ENAH: variants seen among roughly 807,000 people sequenced by gnomAD.
The protein encoded by ENAH is ENAH actin regulator.
In ENAH, 23 loss-of-function variants were observed where a neutral mutation model predicts 78.7. The observed-to-expected ratio is 0.29, with a 90% CI of 0.21 to 0.41. The LOEUF (loss-of-function observed/expected upper bound fraction) is 0.41, where lower values mean the gene tolerates loss of function less well. Ranked by LOEUF, ENAH falls within the 10% of genes least tolerant of loss-of-function variation. ENAH has a pLI of 1.00. For missense variants in ENAH, 544 were observed against 691.0 expected (o/e 0.79, Z 2.39); for synonymous variants, 226 against 241.0 (o/e 0.94, Z 0.58).
In ENAH at chr1:225,650,456, A is replaced by C. The variant is rs1662754754; in HGVS notation, c.5+2230T>G. ...ATTTACCTGTGACAGACTGACATCT[A>C]TACATGACAGTGATTAAACTTCACT... On this transcript the variant is annotated intron_variant, in intron 1 of 13. Coordinates refer to ENST00000366843, the MANE Select transcript of ENAH (RefSeq NM_018212.6). 3.9e-5 allele frequency among the ~76,000 whole-genome samples: 6 copies of C among 152,364 alleles called. No homozygotes were observed. The South Asian group carries it at 1.2e-3, about 32-fold the overall frequency.
chr1:225,557,930 A>G (rs1364436523), intron 2 of ENAH, among the ~76,000 whole-genome samples: 1 of 152,220 alleles, frequency 6.6e-6, no homozygotes, highest in Non-Finnish European at 1.5e-5. Context: ...GGTTTCCATC[A>G]TGATTGAATA....
intron 3 of ENAH, among the ~76,000 whole-genome samples, chr1:225,538,511 C>G (rs767784672): frequency 6.6e-6 from 1 of 151,502 alleles, no homozygotes; most frequent in Non-Finnish European, 1.5e-5. Context: ...GAGCATCGTG[C>G]ATATATAGCT....
Position 225,544,890 on chromosome 1 carries a change from A to C in ENAH, c.349+10016T>G, listed in dbSNP as rs573852872. On this transcript the variant is annotated intron_variant, in intron 3 of 13. Coordinates refer to ENST00000366843, the MANE Select transcript of ENAH (RefSeq NM_018212.6). ...ATCACAAATGTACTGACTGAGACAGAGCTAGAAACAGCTAGTAACAACAGT... is the reference window on the plus strand; with the variant it reads ...ATCACAAATGTACTGACTGAGACAGCGCTAGAAACAGCTAGTAACAACAGT... Among the ~76,000 whole-genome samples the C allele has an allele frequency of 2.6e-5, 4 of 152,358 alleles. No individual in the cohort carries two copies. The East Asian group carries it at 7.7e-4, about 29-fold the overall frequency.
At chr1:225,569,314 T>C (rs905384281) in intron 1 of ENAH, among the ~76,000 whole-genome samples, 2 of 152,266 alleles carry the variant, frequency 1.3e-5, no homozygotes, top group African/African-American at 4.8e-5. Flanking sequence ...ATTCAAGAGA[T>C]AATGTCTTGG....
intron 1 of ENAH, among the ~76,000 whole-genome samples, chr1:225,574,105 G>C (rs576465676): frequency 3.3e-5 from 5 of 152,032 alleles, no homozygotes; most frequent in Admixed American, 6.6e-5. Flanking sequence ...TAAAAACTTT[G>C]GAATTTTAAA....
intron 4 of ENAH, among the ~76,000 whole-genome samples, chr1:225,528,276 C>T (rs2096520271): frequency 6.6e-6 from 1 of 152,116 alleles, no homozygotes; most frequent in Admixed American, 6.5e-5. Flanking sequence ...ACAAGAACAT[C>T]AGTGTGCCTG....
chr1:225,637,801 T>G (rs1204444731), intron 1 of ENAH, among the ~76,000 whole-genome samples: 1 of 152,170 alleles, frequency 6.6e-6, no homozygotes, highest in African/African-American at 2.4e-5. Context: ...CAGGTGCCTA[T>G]AGTCCCAGCT....
chr1:225,639,743 C>CACA (rs990088651), intron 1 of ENAH, among the ~76,000 whole-genome samples: 3 of 132,192 alleles, frequency 2.3e-5, no homozygotes, highest in African/African-American at 8.4e-5. Flanking sequence ...CACACACACA[C>CACA]AAGAAGGATG....
intron 1 of ENAH, among the ~76,000 whole-genome samples, chr1:225,599,914 G>C (rs2096922370): frequency 6.6e-6 from 1 of 151,736 alleles, no homozygotes; most frequent in South Asian, 2.1e-4. Context: ...CCTCCCTGTA[G>C]TAATAAAGTA....
At chr1:225,603,673 G>A (rs1383505478) in intron 1 of ENAH, among the ~76,000 whole-genome samples, 2 of 152,136 alleles carry the variant, frequency 1.3e-5, no homozygotes, top group Non-Finnish European at 2.9e-5. Flanking sequence ...TATGAGTCAT[G>A]TTTATTTTCA....
At chr1:225,567,209 T>C (rs1421711104) in intron 2 of ENAH, 40 bp downstream of exon 2, 1 of 1,596,616 alleles carries the variant, frequency 6.3e-7, no homozygotes, top group Non-Finnish European at 8.5e-7. Context: ...CCTTTTGTAA[T>C]ACTAAATCAT....
chr1:225,633,625 T>C (rs1334894532), intron 1 of ENAH, among the ~76,000 whole-genome samples: 2 of 152,190 alleles, frequency 1.3e-5, no homozygotes, highest in African/African-American at 2.4e-5. Context: ...TAAGCCTTGG[T>C]TTCCTACACT....
intron 1 of ENAH, among the ~76,000 whole-genome samples, chr1:225,650,873 A>C (rs889162306): frequency 6.7e-6 from 1 of 149,856 alleles, no homozygotes; most frequent in Non-Finnish European, 1.5e-5. Flanking sequence ...AAAAAAAAAA[A>C]AAAAACTTTC....
chr1:225,614,525 ACT>A (rs935684897), intron 1 of ENAH, among the ~76,000 whole-genome samples: 1 of 151,894 alleles, frequency 6.6e-6, no homozygotes, highest in Non-Finnish European at 1.5e-5. Flanking sequence ...AGCTCTCCAG[ACT>A]CTATCCTTTG....
chr1:225,507,491 A>G (rs2096341985), intron 11 of ENAH, among the ~76,000 whole-genome samples: 1 of 152,132 alleles, frequency 6.6e-6, no homozygotes, highest in South Asian at 2.1e-4. Context: ...GGTTCTTCCA[A>G]AAAACACTGA....
intron 1 of ENAH, among the ~76,000 whole-genome samples, chr1:225,651,231 C>T (rs1249700618): frequency 1.3e-5 from 2 of 151,822 alleles, no homozygotes; most frequent in Non-Finnish European, 2.9e-5. Context: ...GGTCAGTCGC[C>T]TAGAGACACC....
chr1:225,503,273 G>C (rs977309843), intron 11 of ENAH, among the ~76,000 whole-genome samples: 1 of 152,074 alleles, frequency 6.6e-6, no homozygotes, highest in Non-Finnish European at 1.5e-5. Flanking sequence ...CAAGATAACT[G>C]AGCAGATTTA....
intron 1 of ENAH, among the ~76,000 whole-genome samples, chr1:225,636,646 C>T (rs562226220): frequency 6.6e-6 from 1 of 152,198 alleles, no homozygotes; most frequent in East Asian, 1.9e-4. Context: ...GAATTTGAGA[C>T]CAACCTGGGC....
At position 225,519,520 on chromosome 1, in the gene ENAH, C is replaced by G. The variant is rs374239222; in HGVS notation, c.480G>C (p.Arg160Ser). ...QQRQKELERE[R>S]LERERMERER... ...CTCTTTCCATTCTTTCTCGCTCCAG[C>G]CTTTCCCGCTCCAGCTCCTTTTGCC... The change falls in exon 5 of 14, where the codon AGG becomes AGC. Residue 160 changes from arginine to serine, a missense_variant. This residue lies in a region of ENAH where 366 missense variants were observed against 396.1 expected (regional missense o/e 0.92). Coordinates refer to ENST00000366843, the MANE Select transcript of ENAH (RefSeq NM_018212.6). 15 of 1,612,278 alleles carry G rather than the reference C, an allele frequency of 9.3e-6. No individual in the cohort carries two copies. The highest frequency in any genetic ancestry group is 1.3e-5 in the Non-Finnish European group (15 of 1,179,678).
Sources: gnomAD v4.1 joint callset for allele counts (sites outside exome capture counted in the v4.1 genomes callset) on GRCh38, gnomAD v4.1.1 for gene constraint, gnomAD v4.1.1 regional missense constraint, MANE v1.5 for transcripts, NCBI Gene and HGNC (gene_info 2026-07-23, HGNC 2026-07-21) for gene names.